Variants in HEPHL1 observed in about 807,000 individuals in gnomAD.
HEPHL1 encodes the protein ferroxidase HEPHL1.
A neutral mutation model predicts 122.0 loss-of-function variants in HEPHL1; 123 were observed. The observed-to-expected ratio is 1.01, with a 90% CI of 0.87 to 1.17. HEPHL1 has a LOEUF of 1.17. HEPHL1 is among the 50% of genes most tolerant of loss of function. The pLI is 0.00. For missense variants in HEPHL1, 1,452 were observed against 1,430.5 expected, an observed-to-expected ratio of 1.01 and a Z score of -0.24; for synonymous variants, 527 against 508.9, an observed-to-expected ratio of 1.04 and a Z score of -0.48.
rs533935804 is a variant in HEPHL1 at position 94,039,390 on chromosome 11, C to T, written c.171-6283C>T. ...GCAGATCTAATTGACATCTACAGAACTCTCCACCCCAAATCAACAGAATAT... is the reference window on the plus strand; with the variant it reads ...GCAGATCTAATTGACATCTACAGAATTCTCCACCCCAAATCAACAGAATAT... On this transcript the variant is annotated intron_variant, in intron 1 of 19. Transcript: ENST00000315765. 1.6e-4 allele frequency among the ~76,000 whole-genome samples: 24 copies of T among 152,258 alleles called. No individual in the cohort carries two copies. In the South Asian group the frequency reaches 4.2e-3, roughly 26 times the overall value.
rs202108703 is a variant in HEPHL1, at chr11:94,084,375, AATAT to A, written c.1868-1598_1868-1595del. Among the ~76,000 whole-genome samples, 1,212 of 142,106 alleles carry A rather than the reference AATAT, an allele frequency of 8.5e-3. 17 individuals carry two copies. Among genetic ancestry groups the A allele is most frequent in the African/African-American group, 0.028 (1,076 of 38,340 alleles). 93.2% of individuals were successfully genotyped at this position (142,106 alleles called of 152,430 possible). A position where few individuals can be genotyped will look rare whatever the true frequency, so the allele number is the denominator to read the frequency against. The stretch of plus-strand genomic sequence containing the variant: ...AAATAAATAAATAAATAAATAAATA[AATAT>A]ATAAATACAGGATATATCATTGTTA... On this transcript the variant is annotated intron_variant, in intron 10 of 19. Transcript: ENST00000315765.
chr11:94,065,221 T>C (rs1185172488), intron 4 of HEPHL1, among the ~76,000 whole-genome samples: 1 of 152,228 alleles, frequency 6.6e-6, no homozygotes, highest in Non-Finnish European at 1.5e-5. Context: ...ACCTTATTCA[T>C]TGACATATCT....
At chr11:94,056,908 T>G (rs1428560571) in intron 2 of HEPHL1, among the ~76,000 whole-genome samples, 2 of 152,204 alleles carry the variant, frequency 1.3e-5, no homozygotes, top group Non-Finnish European at 2.9e-5. Flanking sequence ...CCATTTATTA[T>G]GAAGTTTGAT....
At chr11:94,075,817 C>T (rs866625590) in intron 9 of HEPHL1, among the ~76,000 whole-genome samples, 1 of 152,026 alleles carries the variant, frequency 6.6e-6, no homozygotes, top group Non-Finnish European at 1.5e-5. Context: ...GTGCAGCCAA[C>T]GTTGAGAACC....
rs767661937 is a variant in HEPHL1, at chr11:94,045,955, A to G, written c.415+38A>G. ...CCTTTATTACTGGGGTCTTGTCTCT[A>G]TTTCATAAGTAAGGTAACTGTCAGA... On this transcript the variant is annotated intron_variant, in intron 2 of 19. Coordinates refer to ENST00000315765, the MANE Select transcript of HEPHL1 (RefSeq NM_001098672.2). 6.3e-6 allele frequency: 10 copies of G among 1,590,208 alleles called. No individual in the cohort carries two copies. In the Admixed American group the frequency reaches 1.7e-4, roughly 27 times the overall value.
chr11:94,061,911 T>A (rs1467372251), intron 2 of HEPHL1, among the ~76,000 whole-genome samples: 2 of 152,104 alleles, frequency 1.3e-5, no homozygotes, highest in African/African-American at 4.8e-5. Flanking sequence ...AACTAGTAAG[T>A]TTCCCTTTAC....
At chr11:94,072,884 A>T (rs1477609622) in intron 6 of HEPHL1, 141 bp from the exon 7 acceptor site, 1 of 698,526 alleles carries the variant, frequency 1.4e-6, no homozygotes, top group Non-Finnish European at 2.4e-6. Flanking sequence ...TATTCCTGGG[A>T]ACTCTGTCAA....
At chr11:94,099,480 A>T (rs1329982216) in intron 13 of HEPHL1, among the ~76,000 whole-genome samples, 2 of 152,224 alleles carry the variant, frequency 1.3e-5, no homozygotes, top group African/African-American at 2.4e-5. Context: ...TTGAGGAGGC[A>T]GTCTGACCAT....
chr11:94,100,675 T>A (rs1367389617), intron 13 of HEPHL1, among the ~76,000 whole-genome samples: 1 of 152,238 alleles, frequency 6.6e-6, no homozygotes, highest in Non-Finnish European at 1.5e-5. Context: ...TTCATTATTA[T>A]TGTCATCCAT....
chr11:94,035,863 A>G (rs1279648694), intron 1 of HEPHL1, among the ~76,000 whole-genome samples: 1 of 152,142 alleles, frequency 6.6e-6, no homozygotes, highest in Admixed American at 6.5e-5. Flanking sequence ...CAGCCTCCTG[A>G]GTAGCTGGGA....
intron 2 of HEPHL1, chr11:94,055,999 GC>G: frequency 1.1e-6 from 1 of 876,010 alleles, no homozygotes; most frequent in Non-Finnish European, 1.7e-6. Flanking sequence ...CCCTTTCGCA[GC>G]CAGCTTCCAT....
intron 11 of HEPHL1, 76 bp downstream of exon 11, chr11:94,086,265 G>T: frequency 1.8e-6 from 2 of 1,093,626 alleles, no homozygotes; most frequent in East Asian, 2.6e-5. Flanking sequence ...TCCCACAGAA[G>T]AAATTGGTAG....
intron 12 of HEPHL1, among the ~76,000 whole-genome samples, chr11:94,089,286 A>G (rs1946245286): frequency 6.6e-6 from 1 of 152,162 alleles, no homozygotes; most frequent in South Asian, 2.1e-4. Context: ...GAAGACAAAA[A>G]GGGCCAGAGA....
At chr11:94,023,129 A>C (rs937292401) in intron 1 of HEPHL1, among the ~76,000 whole-genome samples, 1 of 152,200 alleles carries the variant, frequency 6.6e-6, no homozygotes, top group African/African-American at 2.4e-5. Flanking sequence ...TCTGAGGTTA[A>C]ATACTTGCCG....
At chr11:94,099,327 G>A (rs548767394) in intron 13 of HEPHL1, among the ~76,000 whole-genome samples, 25 of 152,148 alleles carry the variant, frequency 1.6e-4, no homozygotes, top group African/African-American at 5.6e-4. Context: ...GCAGAACAGC[G>A]AATATTTCTG....
chr11:94,069,287 G>C (rs1479994164), intron 5 of HEPHL1, among the ~76,000 whole-genome samples: 3 of 152,030 alleles, frequency 2.0e-5, no homozygotes, highest in African/African-American at 7.2e-5. Context: ...CATATAATTG[G>C]AGGTTTTTTA....
rs779730927 is a variant in HEPHL1, at chr11:94,075,331, G to A, written c.1662G>A (p.Leu554=). The A allele has an allele frequency of 3.1e-6, 5 of 1,613,346 alleles. No homozygotes were observed. In the East Asian group the frequency reaches 1.1e-4, roughly 36 times the overall value. Residue 554 remains leucine (L), a synonymous_variant, in exon 9 of 20, where the codon CTG becomes CTA. Transcript: ENST00000315765. ...CAATTAAGGACACCAGCTCTGGCCT[G>A]GTAGGGCCTTTGCTAGTCTGTAAAA... ...VDPIKDTSSG[L]VGPLLVCKKG...
rs751122640 is a variant in HEPHL1 at position 94,070,532 on chromosome 11, G to A, written c.1222G>A (p.Ala408Thr). 44 of 1,609,312 alleles carry A rather than the reference G, an allele frequency of 2.7e-5. No individual in the cohort carries two copies. In the Admixed American group the frequency reaches 4.0e-4, roughly 15 times the overall value. ...CAAATTCAGTGGTCTTCCTCTAAAC[G>A]CCTCTGGCAGGTAAGCACCCTTTGT... Reference protein sequence around the residue: ...YNKFSGLPLNASGSDSDLYFT... With the variant: ...YNKFSGLPLNTSGSDSDLYFT... The change falls in exon 6 of 20, where the codon GCC becomes ACC. Residue 408 changes from alanine (A) to threonine (T), a missense_variant. Coordinates refer to ENST00000315765, the MANE Select transcript of HEPHL1 (RefSeq NM_001098672.2).
At chr11:94,042,875 T>TAAA (rs58966846) in intron 1 of HEPHL1, among the ~76,000 whole-genome samples, 2 of 63,168 alleles carry the variant, frequency 3.2e-5, no homozygotes, top group African/African-American at 1.3e-4. Flanking sequence ...TAAAGTATAA[T>TAAA]AAAAAAAAAA....
Sources: allele counts gnomAD v4.1 joint callset (sites outside exome capture counted in the v4.1 genomes callset), GRCh38; gene constraint gnomAD v4.1.1; transcripts MANE v1.5; gene names NCBI Gene and HGNC (gene_info 2026-07-23, HGNC 2026-07-21).